Variants in REPS2 observed in about 807,000 individuals in gnomAD.
The protein encoded by REPS2 is ralBP1-associated Eps domain-containing protein 2.
Under a neutral mutation model 53.6 loss-of-function variants are expected in REPS2, and 23 were observed. That is an observed-to-expected ratio of 0.43 (90% CI 0.31 to 0.61). The LOEUF is 0.61. Among genes scored for constraint, REPS2 ranks in the 20% least tolerant of loss-of-function variants. The pLI is 0.11. For synonymous variants in REPS2, 238 were observed against 218.6 expected (o/e 1.09, Z -0.78); for missense variants, 446 against 534.9 (o/e 0.83, Z 1.64).
intron 5 of REPS2, among the ~76,000 whole-genome samples, chrX:17,035,823 G>C (rs1396165038): frequency 1.8e-5 from 2 of 111,077 alleles, no homozygotes; most frequent in Non-Finnish European, 3.8e-5. Context: ...ATATACAAGT[G>C]AAAATAGGTA....
At chrX:17,012,722 G>A (rs1455892379) in intron 2 of REPS2, among the ~76,000 whole-genome samples, 2 of 111,374 alleles carry the variant, frequency 1.8e-5, no homozygotes, top group African/African-American at 6.5e-5. Flanking sequence ...AGGACAAAAG[G>A]ATGAGTTATT....
the REPS2 span, among the ~76,000 whole-genome samples, chrX:17,160,330 C>G: frequency 1.8e-5 from 2 of 112,565 alleles, no homozygotes; most frequent in African/African-American, 6.5e-5. Flanking sequence ...TTCAGTCACA[C>G]AGAGGCTCTC....
At position 17,041,792 on chromosome X, in the gene REPS2, C is replaced by G. The variant is rs1251290551; in HGVS notation, c.772-5555C>G. On this transcript the variant is annotated intron_variant, in intron 5 of 17. Coordinates refer to ENST00000357277, the MANE Select transcript of REPS2 (RefSeq NM_004726.3). ...GGTTTATATTTTAAACAGAAATGTT[C>G]TATGATTGAAACAATACACACACCC... is the stretch of plus-strand genomic sequence containing the variant. Among the ~76,000 whole-genome samples, 5 of 112,221 alleles carry G rather than the reference C, an allele frequency of 4.5e-5. No individual in the cohort carries two copies. In the South Asian group the frequency reaches 1.5e-3, roughly 33 times the overall value.
chrX:17,163,864 TAAAG>T, the REPS2 span, among the ~76,000 whole-genome samples: 737 of 111,899 alleles, frequency 6.6e-3, 6 homozygotes, highest in Non-Finnish European at 8.6e-3. Context: ...CATCAAGAAA[TAAAG>T]AACACCAGTA....
chrX:16,978,401 G>T (rs1301987014), intron 1 of REPS2: 1 of 136,720 alleles, frequency 7.3e-6, no homozygotes, highest in Non-Finnish European at 1.3e-5. Context: ...GAAACATCTT[G>T]ATAATAAATA....
chrX:17,041,415 C>T, intron 5 of REPS2, among the ~76,000 whole-genome samples: 1 of 111,653 alleles, frequency 9.0e-6, no homozygotes. Context: ...TTTCTCAGCC[C>T]CATGACTGAC....
chrX:17,135,176 A>C, intron 15 of REPS2, 85 bp from the exon 16 acceptor site: 5 of 1,021,449 alleles, frequency 4.9e-6, no homozygotes, highest in Non-Finnish European at 6.7e-6. Flanking sequence ...GTTGGGGCTA[A>C]AGGCATGTGG....
In REPS2 at chrX:17,001,434, C is replaced by T. The variant is rs6629199; in HGVS notation, c.274-4787C>T. On this transcript the variant is annotated intron_variant, in intron 1 of 17. Transcript: ENST00000357277. Reference sequence around the variant, plus strand: ...CAGAAACTTTTGACTTTAATGTAATCACAATAAAACAGACAAATCCAAAAC... The same window carrying T: ...CAGAAACTTTTGACTTTAATGTAATTACAATAAAACAGACAAATCCAAAAC... 5.4e-3 allele frequency among the ~76,000 whole-genome samples: 610 copies of T among 112,200 alleles called. 5 individuals carry two copies. Among genetic ancestry groups the T allele is most frequent in the African/African-American group, 0.019 (584 of 30,904 alleles).
intron 14 of REPS2, among the ~76,000 whole-genome samples, chrX:17,116,182 T>TA (rs1013518922): frequency 1.1e-4 from 12 of 110,505 alleles, no homozygotes; most frequent in African/African-American, 3.6e-4. Context: ...TCAACACATT[T>TA]AAAAAAAACT....
intron 17 of REPS2, among the ~76,000 whole-genome samples, chrX:17,139,483 C>G (rs1464929875): frequency 9.0e-6 from 1 of 110,838 alleles, no homozygotes; most frequent in African/African-American, 3.3e-5. Context: ...TTCACCTTCT[C>G]AATGACATCA....
At chrX:17,061,700 A>G (rs1238400970) in intron 8 of REPS2, among the ~76,000 whole-genome samples, 1 of 112,292 alleles carries the variant, frequency 8.9e-6, no homozygotes, top group Non-Finnish European at 1.9e-5. Flanking sequence ...TTCTTTCCTA[A>G]TTACTTTGTG....
chrX:17,156,285 A>G (rs1259619272), downstream of REPS2, among the ~76,000 whole-genome samples: 1 of 111,015 alleles, frequency 9.0e-6, no homozygotes, highest in Non-Finnish European at 1.9e-5. Context: ...TCCTCTTAGC[A>G]GATTTGGCAG....
At chrX:16,979,649 A>G (rs1452635243) in intron 1 of REPS2, among the ~76,000 whole-genome samples, 4 of 112,024 alleles carry the variant, frequency 3.6e-5, no homozygotes, top group Non-Finnish European at 7.5e-5. Flanking sequence ...GTTTATTACC[A>G]TTAGCTTTCT....
At chrX:17,172,493 C>G in the REPS2 span, among the ~76,000 whole-genome samples, 1 of 111,927 alleles carries the variant, frequency 8.9e-6, no homozygotes, top group Non-Finnish European at 1.9e-5. Flanking sequence ...TTCCTAAGGC[C>G]TCCTAGCCAT....
At chrX:17,141,296 A>G (rs144298230) in intron 17 of REPS2, among the ~76,000 whole-genome samples, 197 of 112,091 alleles carry the variant, frequency 1.8e-3, no homozygotes, top group Non-Finnish European at 3.0e-3. Flanking sequence ...CTTACAACTT[A>G]TACTTCTTGT....
In REPS2 at chrX:16,946,738, T is replaced by TGGC. The variant is rs1323440162; in HGVS notation, c.-115_-113dup. 66 of 690,085 alleles carry TGGC rather than the reference T, an allele frequency of 9.6e-5. No homozygotes were observed. Among genetic ancestry groups the TGGC allele is most frequent in the Middle Eastern group, 1.6e-3 (2 of 1,218 alleles). 56.9% of individuals were successfully genotyped at this position (690,085 alleles called of 1,213,427 possible). On this transcript the variant is annotated 5_prime_UTR_variant, in exon 1 of 18. Coordinates refer to ENST00000357277, the MANE Select transcript of REPS2 (RefSeq NM_004726.3). Reference sequence around the variant, plus strand: ...CAGCTGCGGGGCGTGGGGGTGGTGGTGGCGGCGGCGGTGGTGGCGGCGGCG... The same window carrying TGGC: ...CAGCTGCGGGGCGTGGGGGTGGTGGTGGCGGCGGCGGCGGTGGTGGCGGCGGCG...
chrX:17,129,115 G>C (rs1603096199), intron 14 of REPS2, among the ~76,000 whole-genome samples: 1 of 111,785 alleles, frequency 8.9e-6, no homozygotes, highest in South Asian at 3.8e-4. Flanking sequence ...CGTGTTGGCA[G>C]AGTTGTTCCC....
chrX:17,017,841 A>G (rs770825453), intron 2 of REPS2, among the ~76,000 whole-genome samples: 9 of 111,907 alleles, frequency 8.0e-5, no homozygotes, highest in Non-Finnish European at 1.1e-4. Context: ...GACAAGCACA[A>G]ATTGAGGTAT....
At chrX:17,178,110 A>G in the REPS2 span, among the ~76,000 whole-genome samples, 2 of 112,357 alleles carry the variant, frequency 1.8e-5, no homozygotes, top group Admixed American at 1.9e-4. Context: ...GAGGAAGGCC[A>G]TGGTTTATGT....
Sources: allele counts gnomAD v4.1 joint callset (sites outside exome capture counted in the v4.1 genomes callset), GRCh38; gene constraint gnomAD v4.1.1; transcripts MANE v1.5; gene names NCBI Gene and HGNC (gene_info 2026-07-23, HGNC 2026-07-21).